Variants in HDAC9 observed in about 807,000 individuals in gnomAD.
HDAC9 encodes the protein histone deacetylase 9, also known as MEF-2 interacting transcription repressor (MITR) protein.
A neutral mutation model predicts 139.4 loss-of-function variants in HDAC9; 41 were observed. The ratio of observed to expected loss-of-function variants is 0.29; its 90% CI spans 0.23 to 0.38. The LOEUF (loss-of-function observed/expected upper bound fraction) is 0.38. Ranked by LOEUF, HDAC9 falls within the 10% of genes least tolerant of loss-of-function variation. HDAC9 has a pLI of 1.00. For synonymous variants in HDAC9, 517 were observed against 476.2 expected, an observed-to-expected ratio of 1.09 and a Z score of -1.12; for missense variants, 1,147 against 1,297.0, an observed-to-expected ratio of 0.88 and a Z score of 1.78.
intron 12 of HDAC9, among the ~76,000 whole-genome samples, chr7:18,724,442 C>T (rs925797459): frequency 6.6e-5 from 10 of 151,988 alleles, no homozygotes; most frequent in African/African-American, 2.4e-4. Context: ...AAAGGTAAAA[C>T]ATAATATACC....
In HDAC9 at chr7:18,980,449, G is replaced by A. The variant is rs867755123; in HGVS notation, c.3170+4496G>A. 2.6e-5 allele frequency among the ~76,000 whole-genome samples: 4 copies of A among 152,066 alleles called. No individual in the cohort carries two copies. In the South Asian group the frequency reaches 6.2e-4, roughly 24 times the overall value. On this transcript the variant is annotated intron_variant, in intron 25 of 25. Transcript: ENST00000686413. ...ACACTTCACAGTTGTTTGCTCAAGG[G>A]CAAGTTACTTAATCTCTCTGAGTTT...
At chr7:18,435,093 T>C (rs1791061597) in intron 1 of HDAC9, among the ~76,000 whole-genome samples, 1 of 133,620 alleles carries the variant, frequency 7.5e-6, no homozygotes, top group Non-Finnish European at 1.6e-5. Flanking sequence ...AACAAGATCA[T>C]GTCTTTTGCT....
intron 17 of HDAC9, among the ~76,000 whole-genome samples, chr7:18,794,925 T>G (rs1792649472): frequency 1.3e-5 from 2 of 152,152 alleles, no homozygotes; most frequent in Non-Finnish European, 2.9e-5. Context: ...TGTTTTAAGT[T>G]TGTGTAAGTT....
intron 21 of HDAC9, among the ~76,000 whole-genome samples, chr7:18,850,695 A>G (rs1446454453): frequency 6.6e-6 from 1 of 152,186 alleles, no homozygotes; most frequent in African/African-American, 2.4e-5. Context: ...GTCTTGCTTC[A>G]TTAAGGCTGC....
rs148039659 is a variant in HDAC9 at position 18,764,946 on chromosome 7, A to C, written c.2165-2160A>C. Reference sequence around the variant, plus strand: ...ATAAAATAATTGGATTTGAAAATGAACATCATTTATCTCTTTAAATACTCT... The same window carrying C: ...ATAAAATAATTGGATTTGAAAATGACCATCATTTATCTCTTTAAATACTCT... On this transcript the variant is annotated intron_variant, in intron 15 of 25. Coordinates refer to ENST00000686413, the MANE Select transcript of HDAC9 (RefSeq NM_178425.4). Among the ~76,000 whole-genome samples the C allele has an allele frequency of 1.1e-3, 173 of 152,282 alleles. 2 individuals are homozygous for C. The East Asian group carries it at 0.014, about 13-fold the overall frequency.
chr7:18,447,275 C>T (rs1792382405), intron 1 of HDAC9, among the ~76,000 whole-genome samples: 1 of 152,094 alleles, frequency 6.6e-6, no homozygotes, highest in African/African-American at 2.4e-5. Context: ...AGAAATATTT[C>T]ACACTTTATT....
Position 18,634,610 on chromosome 7 carries a change from T to C in HDAC9, c.797-17T>C. The C allele has an allele frequency of 1.3e-6, 2 of 1,489,950 alleles. No individual in the cohort carries two copies. The highest frequency in any genetic ancestry group is 9.2e-7 in the Non-Finnish European group (1 of 1,086,772). 92.3% of individuals were successfully genotyped at this position (1,489,950 alleles called of 1,614,324 possible). On this transcript the variant is annotated splice_polypyrimidine_tract_variant and intron_variant, in intron 7 of 25. Transcript: ENST00000686413. ...ATGTTCCTCATGAACACATTTGTACTTCACAATATTTTTCAGAATCCTCAG... is the reference window on the plus strand; with the variant it reads ...ATGTTCCTCATGAACACATTTGTACCTCACAATATTTTTCAGAATCCTCAG...
At position 18,127,771 on chromosome 7, in the gene HDAC9, G is replaced by A. The variant is rs138262584; in HGVS notation, c.-96-34458G>A. 2.8e-3 allele frequency among the ~76,000 whole-genome samples: 421 copies of A among 152,008 alleles called. 4 individuals are homozygous for A. Among genetic ancestry groups the A allele is most frequent in the African/African-American group, 9.8e-3 (405 of 41,476 alleles). On this transcript the variant is annotated intron_variant, in intron 1 of 12. Coordinates refer to the HDAC9 transcript ENST00000417496. ...CCATTCTTTTAGTTATTCTGATAGG[G>A]TATTTTTCCCACAGAACCTGTTGGT... is the stretch of plus-strand genomic sequence containing the variant.
chr7:18,388,664 C>G (rs911520559), intron 1 of HDAC9, among the ~76,000 whole-genome samples: 3 of 151,998 alleles, frequency 2.0e-5, no homozygotes, highest in Non-Finnish European at 4.4e-5. Context: ...CTTTCCATGC[C>G]CCGTGCTTCT....
chr7:18,869,284 G>T (rs1475218271), intron 21 of HDAC9, among the ~76,000 whole-genome samples: 2 of 151,864 alleles, frequency 1.3e-5, no homozygotes, highest in African/African-American at 4.8e-5. Flanking sequence ...CTGGAGGTGG[G>T]GCTTGGTGGG....
At chr7:18,300,541 C>T (rs1049194237) in intron 1 of HDAC9, among the ~76,000 whole-genome samples, 2 of 151,192 alleles carry the variant, frequency 1.3e-5, no homozygotes, top group African/African-American at 4.9e-5. Context: ...AGCAGTTTAA[C>T]AATATGTTAA....
At chr7:18,115,865 T>C (rs1289902427) in intron 1 of HDAC9, among the ~76,000 whole-genome samples, 1 of 152,260 alleles carries the variant, frequency 6.6e-6, no homozygotes, top group Non-Finnish European at 1.5e-5. Context: ...ATTCAGTAGC[T>C]GTCTCAATTT....
intron 2 of HDAC9, chr7:18,578,177 C>T (rs548456841): frequency 3.3e-5 from 17 of 518,966 alleles, no homozygotes; most frequent in Admixed American, 1.6e-4. Context: ...GGTGAGTGAC[C>T]TCCACAAACT....
At chr7:18,736,591 A>T (rs1786925532) in intron 13 of HDAC9, among the ~76,000 whole-genome samples, 1 of 152,166 alleles carries the variant, frequency 6.6e-6, no homozygotes, top group Non-Finnish European at 1.5e-5. Flanking sequence ...AGCTGACTTG[A>T]TCGTGGTGGA....
chr7:18,400,472 G>T (rs1787438258), intron 1 of HDAC9, among the ~76,000 whole-genome samples: 1 of 152,144 alleles, frequency 6.6e-6, no homozygotes, highest in South Asian at 2.1e-4. Flanking sequence ...ACTGGGGGTT[G>T]GCAGTATTCC....
chr7:18,184,549 A>C (rs2128143685), intron 2 of HDAC9, among the ~76,000 whole-genome samples: 1 of 152,348 alleles, frequency 6.6e-6, no homozygotes, highest in Non-Finnish European at 1.5e-5. Flanking sequence ...ACGAAACAAA[A>C]TTTGTATACC....
intron 1 of HDAC9, among the ~76,000 whole-genome samples, chr7:18,291,706 C>G (rs1404389621): frequency 1.3e-5 from 2 of 152,110 alleles, no homozygotes; most frequent in Non-Finnish European, 2.9e-5. Context: ...CTTTTGCACC[C>G]TGGGAAAACT....
At chr7:18,669,696 A>T (rs1795546297) in intron 12 of HDAC9, among the ~76,000 whole-genome samples, 1 of 151,902 alleles carries the variant, frequency 6.6e-6, no homozygotes, top group South Asian at 2.1e-4. Context: ...CAATTAAAAA[A>T]TGGTTTTATA....
intron 1 of HDAC9, among the ~76,000 whole-genome samples, chr7:18,298,402 C>T (rs1798292681): frequency 6.6e-6 from 1 of 151,930 alleles, no homozygotes; most frequent in Non-Finnish European, 1.5e-5. Context: ...CGTCATCTAG[C>T]ATTAGGTATA....
Sources: allele counts gnomAD v4.1 joint callset (sites outside exome capture counted in the v4.1 genomes callset), GRCh38; gene constraint gnomAD v4.1.1; transcripts MANE v1.5; gene names NCBI Gene and HGNC (gene_info 2026-07-23, HGNC 2026-07-21).